ABCB1: variants seen among roughly 807,000 people sequenced by gnomAD.
The protein encoded by ABCB1 is ATP binding cassette subfamily B member 1.
ABCB1 carries 69 observed loss-of-function variants against 142.0 expected under a neutral mutation model. That is an observed-to-expected ratio of 0.49 (90% CI 0.40 to 0.59). The LOEUF (loss-of-function observed/expected upper bound fraction) is 0.59. ABCB1 is among the 20% of genes least tolerant of loss of function. The pLI is 0.00. For missense variants in ABCB1, 1,326 were observed against 1,554.7 expected, an observed-to-expected ratio of 0.85 and a Z score of 2.47; for synonymous variants, 532 against 539.2, an observed-to-expected ratio of 0.99 and a Z score of 0.18.
chr7:87,619,923 C>T (rs1820165652), intron 1 of ABCB1, among the ~76,000 whole-genome samples: 1 of 152,024 alleles, frequency 6.6e-6, no homozygotes, highest in Non-Finnish European at 1.5e-5. Flanking sequence ...CAGAATTCAG[C>T]CGTGGATATA....
intron 1 of ABCB1, chr7:87,700,313 A>G (rs904555706): frequency 1.1e-6 from 1 of 885,150 alleles, no homozygotes; most frequent in Non-Finnish European, 1.7e-6. Context: ...CCTTGCCATT[A>G]TAGTTCACTA....
intron 4 of ABCB1, among the ~76,000 whole-genome samples, chr7:87,581,288 G>A (rs1818495332): frequency 6.6e-6 from 1 of 151,920 alleles, no homozygotes; most frequent in African/African-American, 2.4e-5. Flanking sequence ...AAGATTTAGT[G>A]TCATTTCTTC....
At chr7:87,592,479 G>A (rs529638842) in intron 3 of ABCB1, among the ~76,000 whole-genome samples, 1 of 152,262 alleles carries the variant, frequency 6.6e-6, no homozygotes, top group South Asian at 2.1e-4. Flanking sequence ...GGAGGATACT[G>A]AGCCAGGTGG....
At chr7:87,648,735 A>G (rs1240070561) in intron 1 of ABCB1, among the ~76,000 whole-genome samples, 3 of 152,096 alleles carry the variant, frequency 2.0e-5, no homozygotes, top group African/African-American at 7.2e-5. Flanking sequence ...GAAAGTTTTT[A>G]ATGTTTTGAC....
intron 1 of ABCB1, among the ~76,000 whole-genome samples, chr7:87,622,897 G>A (rs988644250): frequency 6.6e-6 from 1 of 151,838 alleles, no homozygotes; most frequent in Non-Finnish European, 1.5e-5. Context: ...AAAACACTAG[G>A]CAGCTGTGGT....
At chr7:87,698,699 C>T (rs1411608907) in intron 1 of ABCB1, among the ~76,000 whole-genome samples, 1 of 152,096 alleles carries the variant, frequency 6.6e-6, no homozygotes, top group Non-Finnish European at 1.5e-5. Flanking sequence ...AGCACTGTGT[C>T]AAGTGTTAGA....
intron 1 of ABCB1, among the ~76,000 whole-genome samples, 163 bp from the exon 2 acceptor site, chr7:87,600,353 C>T (rs566559254): frequency 6.6e-6 from 1 of 152,222 alleles, no homozygotes; most frequent in Non-Finnish European, 1.5e-5. Context: ...AGGGGCTTTC[C>T]TGTGCGCGGG....
chr7:87,625,755 C>T (rs1225128604), intron 1 of ABCB1, among the ~76,000 whole-genome samples: 1 of 152,014 alleles, frequency 6.6e-6, no homozygotes, highest in African/African-American at 2.4e-5. Flanking sequence ...TATAAGCCTC[C>T]GTGTCACAGG....
chr7:87,627,182 C>T (rs1359778348), intron 1 of ABCB1, among the ~76,000 whole-genome samples: 1 of 151,934 alleles, frequency 6.6e-6, no homozygotes, highest in Non-Finnish European at 1.5e-5. Flanking sequence ...CTTTAAAAAC[C>T]TCAGAAATTA....
At chr7:87,656,535 G>GA (rs1001510779) in intron 1 of ABCB1, among the ~76,000 whole-genome samples, 6 of 151,660 alleles carry the variant, frequency 4.0e-5, no homozygotes, top group Admixed American at 3.3e-4. Context: ...GGACACTTGA[G>GA]AAAAAATGAT....
In ABCB1 at chr7:87,519,592, C is replaced by T. The variant is rs1435084658; in HGVS notation, c.2787-126G>A. The T allele has an allele frequency of 1.7e-5, 19 of 1,101,244 alleles. No individual in the cohort carries two copies. The East Asian group carries it at 4.5e-4, about 26-fold the overall frequency. The allele number at this position is 1,101,244 out of a possible 1,614,324, so 68.2% of individuals were successfully genotyped here. On this transcript the variant is annotated intron_variant, in intron 22 of 27. Transcript: ENST00000622132. ...AAAAATGGGTTTCGTTTCCAAAGAA[C>T]TAAGTTTGGTCCTCACTTTACACTT...
Position 87,628,893 on chromosome 7 carries a change from C to G in ABCB1, c.-330-27815G>C, listed in dbSNP as rs372672361. 1.5e-5 allele frequency: 19 copies of G among 1,303,590 alleles called. No individual in the cohort carries two copies. The African/African-American group carries it at 2.3e-4, about 16-fold the overall frequency. The allele number at this position is 1,303,590 out of a possible 1,614,324, so 80.8% of individuals were successfully genotyped here. A position where few individuals can be genotyped will look rare whatever the true frequency, so the allele number is the denominator to read the frequency against. On this transcript the variant is annotated intron_variant, in intron 1 of 28. Transcript: ENST00000265724. Reference sequence around the variant, plus strand: ...TGGCGGCGGAGGCGGCAAGAAAAGCCTGAGCGCCCGCAATGCTGCGGTGGA... The same window carrying G: ...TGGCGGCGGAGGCGGCAAGAAAAGCGTGAGCGCCCGCAATGCTGCGGTGGA...
chr7:87,551,899 T>A (rs1015858982), intron 9 of ABCB1, among the ~76,000 whole-genome samples: 3 of 151,890 alleles, frequency 2.0e-5, no homozygotes, highest in Non-Finnish European at 2.9e-5. Flanking sequence ...AGCAGAGGAG[T>A]CAGAAGACCC....
chr7:87,645,628 T>C (rs1284729015), intron 1 of ABCB1, among the ~76,000 whole-genome samples: 1 of 152,214 alleles, frequency 6.6e-6, no homozygotes, highest in Non-Finnish European at 1.5e-5. Flanking sequence ...AGGAAACAGA[T>C]GACTAATATT....
chr7:87,688,078 C>T (rs1160771014), intron 1 of ABCB1, among the ~76,000 whole-genome samples: 3 of 152,072 alleles, frequency 2.0e-5, no homozygotes, highest in Non-Finnish European at 4.4e-5. Flanking sequence ...CTTAAGGTCA[C>T]CAGAGTTTGG....
At chr7:87,697,167 A>T (rs1828564871) in intron 1 of ABCB1, among the ~76,000 whole-genome samples, 1 of 152,210 alleles carries the variant, frequency 6.6e-6, no homozygotes, top group African/African-American at 2.4e-5. Context: ...TTGTTCATGG[A>T]CAACCTATGC....
chr7:87,545,936 A>C lies in ABCB1; in HGVS notation c.1814T>G (p.Val605Gly). 6.2e-7 allele frequency: 1 copy of C among 1,614,062 alleles called. No individual in the cohort carries two copies. Among genetic ancestry groups the C allele is most frequent in the Non-Finnish European group, 8.5e-7 (1 of 1,179,990 alleles). ...ADVIAGFDDG[V>G]IVEKGNHDEL... is the part of the protein sequence containing the mutation. ...ATCATGATTTCCTTTCTCCACAATG[A>C]CTCCATCATCGAAACCAGCGATGAC... The change falls in exon 15 of 28, where the codon GTC (valine) becomes GGC (glycine). Residue 605 changes from valine to glycine, a missense_variant. Physicochemically the swap from Val to Gly is moderately radical, Grantham distance 109 (BLOSUM62 -3). Transcript: ENST00000622132.
At position 87,585,548 on chromosome 7, in the gene ABCB1, T is replaced by G. The variant is rs764061195; in HGVS notation, c.250A>C (p.Asn84His). 1 of 1,613,916 alleles carries G rather than the reference T, an allele frequency of 6.2e-7. No individual in the cohort carries two copies. Among genetic ancestry groups the G allele is most frequent in the Non-Finnish European group, 8.5e-7 (1 of 1,179,878 alleles). ...EMTDIFANAGNLEDLMSNITN... is the reference protein window; with the variant it reads ...EMTDIFANAGHLEDLMSNITN... ...ATGTTTGACATCAGATCTTCTAAAT[T>G]TCCTGCATTTGCAAAGATATCTGTC... The change falls in exon 4 of 28, where the codon AAT becomes CAT. Residue 84 changes from asparagine to histidine, a missense_variant. Physicochemically the swap from Asn to His is moderately conservative, Grantham distance 68. Transcript: ENST00000622132.
rs551620525 is a variant in ABCB1 at position 87,650,151 on chromosome 7, C to CTACTTACA, written c.-330-49074_-330-49073insTGTAAGTA. Among the ~76,000 whole-genome samples the CTACTTACA allele has an allele frequency of 7.2e-3, 1,096 of 152,274 alleles. 11 individuals are homozygous for CTACTTACA. The highest frequency in any genetic ancestry group is 8.9e-3 in the Non-Finnish European group (607 of 68,014). ...TTGAGTCTGCAGCTCAAATTTCTTA[C>CTACTTACA]AAGTAGTATTACTGTTTTTGAGTAT... On this transcript the variant is annotated intron_variant, in intron 1 of 28. Coordinates refer to the ABCB1 transcript ENST00000265724.
Sources: allele counts gnomAD v4.1 joint callset (sites outside exome capture counted in the v4.1 genomes callset), GRCh38; gene constraint gnomAD v4.1.1; transcripts MANE v1.5; gene names NCBI Gene and HGNC (gene_info 2026-07-23, HGNC 2026-07-21).